The following MAGI1 variants were observed in gnomAD, a reference collection of about 807,000 sequenced individuals.
The protein encoded by MAGI1 is membrane associated guanylate kinase, WW and PDZ domain containing 1.
A neutral mutation model predicts 139.9 loss-of-function variants in MAGI1; 58 were observed. The ratio of observed to expected loss-of-function variants is 0.41; its 90% confidence interval spans 0.34 to 0.52. The LOEUF is 0.52. Among genes scored for constraint, MAGI1 ranks in the 20% least tolerant of loss-of-function variants. MAGI1 has a pLI of 0.12. For missense variants in MAGI1, 1,874 were observed against 1,901.6 expected, an observed-to-expected ratio of 0.99 and a Z score of 0.27; for synonymous variants, 812 against 737.9, an observed-to-expected ratio of 1.10 and a Z score of -1.63.
chr3:65,462,391 C>T (rs1237900352), intron 5 of MAGI1, among the ~76,000 whole-genome samples: 1 of 152,120 alleles, frequency 6.6e-6, no homozygotes, highest in African/African-American at 2.4e-5. Flanking sequence ...TTCCCCATTG[C>T]TTGTTTTTGT....
chr3:65,655,381 T>C (rs2085817151), intron 1 of MAGI1, among the ~76,000 whole-genome samples: 1 of 152,154 alleles, frequency 6.6e-6, no homozygotes, highest in African/African-American at 2.4e-5. Flanking sequence ...GTACAGATTA[T>C]TACATACACA....
chr3:65,387,853 A>G (rs1006350618), intron 14 of MAGI1, among the ~76,000 whole-genome samples: 1 of 152,218 alleles, frequency 6.6e-6, no homozygotes, highest in African/African-American at 2.4e-5. Context: ...ACTTGTAAGC[A>G]TGTCTCTCCA....
At chr3:65,848,357 T>C (rs1040523374) in intron 1 of MAGI1, among the ~76,000 whole-genome samples, 1 of 152,172 alleles carries the variant, frequency 6.6e-6, no homozygotes, top group African/African-American at 2.4e-5. Context: ...GCAGGCTTAA[T>C]AAGAAGCTGA....
chr3:65,980,018 A>G (rs1484021196), intron 1 of MAGI1, among the ~76,000 whole-genome samples: 1 of 152,180 alleles, frequency 6.6e-6, no homozygotes, highest in East Asian at 1.9e-4. Context: ...CCTTCAGCAC[A>G]TGGCCTTGTC....
At chr3:65,506,131 T>A (rs1384931939) in intron 2 of MAGI1, among the ~76,000 whole-genome samples, 8 of 152,212 alleles carry the variant, frequency 5.3e-5, no homozygotes, top group Non-Finnish European at 1.0e-4. Context: ...ACAACCAGAT[T>A]TGGTGAGTTC....
chr3:65,539,148 C>T (rs1421260374), intron 2 of MAGI1, among the ~76,000 whole-genome samples: 1 of 152,100 alleles, frequency 6.6e-6, no homozygotes, highest in Non-Finnish European at 1.5e-5. Context: ...GTACCAACTA[C>T]CGTCAAACAG....
intron 1 of MAGI1, among the ~76,000 whole-genome samples, chr3:65,827,799 T>C (rs183080029): frequency 4.6e-5 from 7 of 152,376 alleles, no homozygotes; most frequent in African/African-American, 1.7e-4. Context: ...CTCTTGTCAG[T>C]ACTCAGAAGT....
At chr3:65,543,093 AGG>A (rs2079322940) in intron 2 of MAGI1, among the ~76,000 whole-genome samples, 1 of 152,342 alleles carries the variant, frequency 6.6e-6, no homozygotes, top group South Asian at 2.1e-4. Context: ...AAGTAGGCAA[AGG>A]ATATGAACAG....
intron 10 of MAGI1, among the ~76,000 whole-genome samples, chr3:65,435,985 A>C (rs994501043): frequency 6.6e-6 from 1 of 152,160 alleles, no homozygotes; most frequent in Non-Finnish European, 1.5e-5. Flanking sequence ...TGTTTACAAA[A>C]AACCCCACAA....
chr3:65,635,515 C>T (rs2084560242), intron 1 of MAGI1, among the ~76,000 whole-genome samples: 1 of 152,162 alleles, frequency 6.6e-6, no homozygotes, highest in African/African-American at 2.4e-5. Flanking sequence ...TATGAAGAAA[C>T]CAAGAGAGTG....
chr3:65,850,367 C>T (rs2059159724), intron 1 of MAGI1, among the ~76,000 whole-genome samples: 1 of 152,094 alleles, frequency 6.6e-6, no homozygotes, highest in African/African-American at 2.4e-5. Flanking sequence ...CCGGCGCTTT[C>T]TGGGTTTTAA....
In MAGI1 at chr3:65,910,854, A is replaced by ATTTTTTTTTTTT. The variant is rs1560003976; in HGVS notation, c.313+127141_313+127142insAAAAAAAAAAAA. Among the ~76,000 whole-genome samples, 90 of 11,824 alleles carry ATTTTTTTTTTTT rather than the reference A, an allele frequency of 7.6e-3. 1 individual carries two copies. The highest frequency in any genetic ancestry group is 0.01 in the African/African-American group (18 of 1,742). 7.8% of individuals were successfully genotyped at this position (11,824 alleles called of 152,430 possible). A position where few individuals can be genotyped will look rare whatever the true frequency, so the allele number is the denominator to read the frequency against. On this transcript the variant is annotated intron_variant, in intron 1 of 22. Coordinates refer to ENST00000402939, the MANE Select transcript of MAGI1 (RefSeq NM_001033057.2). ...TTGAGGCCTCTTTCAGACATGGTGG[A>ATTTTTTTTTTTT]CTTTTTTTTTTTTTTTTTTTTGAGA...
At chr3:65,851,116 A>G (rs548945752) in intron 1 of MAGI1, among the ~76,000 whole-genome samples, 1 of 152,222 alleles carries the variant, frequency 6.6e-6, no homozygotes, top group South Asian at 2.1e-4. Flanking sequence ...GGAGAAAAAA[A>G]AAATGCCTCA....
At chr3:65,517,003 C>T (rs1181752423) in intron 2 of MAGI1, among the ~76,000 whole-genome samples, 4 of 151,880 alleles carry the variant, frequency 2.6e-5, no homozygotes, top group African/African-American at 9.7e-5. Flanking sequence ...GCTGGGATTA[C>T]AGGCGTGAGC....
At chr3:65,609,749 T>A (rs772548311) in intron 2 of MAGI1, 5 of 330,238 alleles carry the variant, frequency 1.5e-5, no homozygotes, top group Admixed American at 3.1e-5. Context: ...CATACCTGGG[T>A]AATTTTTTGT....
chr3:65,565,348 T>C (rs752954935), intron 2 of MAGI1, among the ~76,000 whole-genome samples: 4 of 152,184 alleles, frequency 2.6e-5, no homozygotes, highest in Non-Finnish European at 4.4e-5. Flanking sequence ...AGTATGTCAA[T>C]ACTAATTAGA....
chr3:65,799,528 G>A (rs146084421), intron 1 of MAGI1, among the ~76,000 whole-genome samples: 494 of 152,300 alleles, frequency 3.2e-3, no homozygotes, highest in Admixed American at 7.6e-3. Flanking sequence ...AGTTGAAGAA[G>A]CTGTTGATCT....
At chr3:65,816,267 T>C (rs937967866) in intron 1 of MAGI1, among the ~76,000 whole-genome samples, 3 of 151,148 alleles carry the variant, frequency 2.0e-5, no homozygotes, top group Non-Finnish European at 4.4e-5. Flanking sequence ...TAGAAATCTC[T>C]AGAACAGGAC....
chr3:65,739,332 T>C (rs1455979089), intron 1 of MAGI1, among the ~76,000 whole-genome samples: 1 of 152,238 alleles, frequency 6.6e-6, no homozygotes, highest in Non-Finnish European at 1.5e-5. Context: ...GGCCTTGCTC[T>C]GGATCAGGCT....
Sources: gnomAD v4.1 joint callset for allele counts (sites outside exome capture counted in the v4.1 genomes callset) on GRCh38, gnomAD v4.1.1 for gene constraint, MANE v1.5 for transcripts, NCBI Gene and HGNC (gene_info 2026-07-23, HGNC 2026-07-21) for gene names.